LMNTD1: variants seen among roughly 807,000 people sequenced by gnomAD.
LMNTD1 encodes the protein lamin tail domain containing 1.
A neutral mutation model predicts 50.9 loss-of-function variants in LMNTD1; 35 were observed. That is an observed-to-expected ratio of 0.69 (90% confidence interval 0.53 to 0.91). The LOEUF (loss-of-function observed/expected upper bound fraction) is 0.91, where lower values mean the gene tolerates loss of function less well. Among genes scored for constraint, LMNTD1 ranks in the 40% least tolerant of loss-of-function variants. The pLI is 0.00. For synonymous variants in LMNTD1, 153 were observed against 161.9 expected (o/e 0.94, Z 0.42); for missense variants, 470 against 475.5 (o/e 0.99, Z 0.11).
At chr12:25,551,589 C>A (rs1013125582) in intron 2 of LMNTD1, among the ~76,000 whole-genome samples, 1 of 152,072 alleles carries the variant, frequency 6.6e-6, no homozygotes, top group Admixed American at 6.6e-5. Flanking sequence ...TGTGGTGTTG[C>A]TATGTTGCCC....
intron 1 of LMNTD1, among the ~76,000 whole-genome samples, chr12:25,571,756 G>A (rs1385342057): frequency 6.6e-6 from 1 of 152,118 alleles, no homozygotes; most frequent in African/African-American, 2.4e-5. Context: ...TGCAAGCTCT[G>A]CCTCCCGGGT....
At chr12:25,531,077 G>A (rs1000731413) in intron 4 of LMNTD1, among the ~76,000 whole-genome samples, 3 of 152,164 alleles carry the variant, frequency 2.0e-5, no homozygotes, top group Admixed American at 1.3e-4. Flanking sequence ...AAGGGTGACT[G>A]CATGCTGACA....
intron 1 of LMNTD1, among the ~76,000 whole-genome samples, chr12:25,589,172 C>G (rs1165755693): frequency 6.6e-6 from 1 of 152,058 alleles, no homozygotes; most frequent in Non-Finnish European, 1.5e-5. Context: ...CTGGAAACAA[C>G]CCAAATGTTC....
At position 25,549,416 on chromosome 12, in the gene LMNTD1, G is replaced by C; in HGVS notation, c.220C>G (p.Pro74Ala). 1 of 1,612,482 alleles carries C rather than the reference G, an allele frequency of 6.2e-7. No homozygotes were observed. Among genetic ancestry groups the C allele is most frequent in the Non-Finnish European group, 8.5e-7 (1 of 1,178,708 alleles). Residue 74 changes from proline (P) to alanine (A), a missense_variant, in exon 3 of 10, where the codon CCT (proline) becomes GCT (alanine). By Grantham distance (27) the Pro-to-Ala change is conservative (BLOSUM62 -1). Coordinates refer to ENST00000458174, the MANE Select transcript of LMNTD1 (RefSeq NM_001145728.2). ...GMPLGYYLSSPQISRVTISTT... is the reference protein window; with the variant it reads ...GMPLGYYLSSAQISRVTISTT... The stretch of plus-strand genomic sequence containing the variant: ...GATATAGTTACTCTACTAATCTGAG[G>C]ACTAGACAGATAGTAACCAAGAGGC...
At chr12:25,584,124 G>A (rs1945423606) in intron 1 of LMNTD1, among the ~76,000 whole-genome samples, 1 of 152,154 alleles carries the variant, frequency 6.6e-6, no homozygotes, top group Non-Finnish European at 1.5e-5. Context: ...AAGTGTAAGA[G>A]GAAAAGAGAA....
At chr12:25,631,938 G>C (rs1946727582) in intron 1 of LMNTD1, among the ~76,000 whole-genome samples, 1 of 152,130 alleles carries the variant, frequency 6.6e-6, no homozygotes, top group African/African-American at 2.4e-5. Context: ...CAAGGAAATA[G>C]AGAGCTTAAA....
At chr12:25,569,995 C>G (rs1322071235) in intron 1 of LMNTD1, among the ~76,000 whole-genome samples, 1 of 152,204 alleles carries the variant, frequency 6.6e-6, no homozygotes. Context: ...GCAATCGATG[C>G]CTTTAGCAGT....
In LMNTD1 at chr12:25,553,189, C is replaced by A; in HGVS notation, c.-151G>T. 1 of 1,588,850 alleles carries A rather than the reference C, an allele frequency of 6.3e-7. No homozygotes were observed. Among genetic ancestry groups the A allele is most frequent in the South Asian group, 1.2e-5 (1 of 85,352 alleles). On this transcript the variant is annotated 5_prime_UTR_variant, in exon 1 of 10. Coordinates refer to ENST00000458174, the MANE Select transcript of LMNTD1 (RefSeq NM_001145728.2). ...CCAACATAGCCAATCCTGATCTTGG[C>A]TAAGGATGTCGGACAAACCATGGTG... is the stretch of plus-strand genomic sequence containing the variant.
chr12:25,608,053 T>C (rs1946154604), intron 1 of LMNTD1, among the ~76,000 whole-genome samples: 1 of 152,188 alleles, frequency 6.6e-6, no homozygotes, highest in African/African-American at 2.4e-5. Flanking sequence ...GATAGTTAGC[T>C]CTTCTTGTTG....
intron 1 of LMNTD1, among the ~76,000 whole-genome samples, chr12:25,630,422 G>A (rs1390661120): frequency 6.6e-6 from 1 of 152,072 alleles, no homozygotes; most frequent in African/African-American, 2.4e-5. Flanking sequence ...CAGCAGTCCC[G>A]AGAAGACGCA....
rs1455660571 is a variant in LMNTD1, at chr12:25,527,669, TATATATATATATACACACAC to T, written c.492-734_492-715del. 9.0e-3 allele frequency among the ~76,000 whole-genome samples: 205 copies of T among 22,712 alleles called. 2 individuals are homozygous for T. Among genetic ancestry groups the T allele is most frequent in the African/African-American group, 0.014 (136 of 9,926 alleles). The allele number at this position is 22,712 out of a possible 152,430, so 14.9% of individuals were successfully genotyped here. On this transcript the variant is annotated intron_variant, in intron 4 of 9. Coordinates refer to ENST00000458174, the MANE Select transcript of LMNTD1 (RefSeq NM_001145728.2). Reference sequence around the variant, plus strand: ...ATATATATATATATATATATATATATATATATATATATACACACACACACACACACACACACACACACACA... The same window carrying T: ...ATATATATATATATATATATATATATACACACACACACACACACACACACA...
At position 25,546,415 on chromosome 12, in the gene LMNTD1, G is replaced by C; in HGVS notation, c.450C>G (p.Tyr150Ter). Reference protein sequence around the residue: ...HSNYTQKTLKYFSMILEEVGQ... With the variant: ...HSNYTQKTLK ...CAACTTCTTCAAGAATCATAGAAAA[G>C]TATTTTAAAGTTTTCTGAGTGTAGT... is the stretch of plus-strand genomic sequence containing the variant. Residue 150 changes from tyrosine to a stop codon, truncating the protein, a stop_gained, in exon 4 of 10, where the codon TAC becomes TAG. Coordinates refer to ENST00000458174, the MANE Select transcript of LMNTD1 (RefSeq NM_001145728.2). LOFTEE classifies it high-confidence loss of function. The C allele has an allele frequency of 6.3e-7, 1 of 1,591,578 alleles. No homozygotes were observed. The highest frequency in any genetic ancestry group is 8.6e-7 in the Non-Finnish European group (1 of 1,168,806).
chr12:25,623,004 A>G (rs1432516309), intron 1 of LMNTD1, among the ~76,000 whole-genome samples: 1 of 151,998 alleles, frequency 6.6e-6, no homozygotes, highest in African/African-American at 2.4e-5. Context: ...GAAAAGCTCT[A>G]ATAGAGATGG....
chr12:25,576,112 CCAA>C (rs1357865857), intron 1 of LMNTD1, among the ~76,000 whole-genome samples: 2 of 152,214 alleles, frequency 1.3e-5, no homozygotes, highest in Non-Finnish European at 2.9e-5. Context: ...TGGGTTGGTT[CCAA>C]GTCTTTGCTA....
intron 1 of LMNTD1, among the ~76,000 whole-genome samples, chr12:25,603,948 G>GC (rs953117312): frequency 2.0e-5 from 3 of 149,010 alleles, no homozygotes; most frequent in Admixed American, 2.0e-4. Flanking sequence ...ACGAATATTG[G>GC]GGGGGAAGGC....
chr12:25,522,910 T>A (rs1021966432), intron 6 of LMNTD1, among the ~76,000 whole-genome samples: 3 of 152,228 alleles, frequency 2.0e-5, no homozygotes, highest in Admixed American at 1.3e-4. Context: ...GCCACTTTTA[T>A]ATTAAGCCAT....
intron 1 of LMNTD1, among the ~76,000 whole-genome samples, chr12:25,585,393 C>T (rs1316340170): frequency 1.3e-5 from 2 of 152,152 alleles, no homozygotes; most frequent in African/African-American, 2.4e-5. Context: ...CATGCTGCTG[C>T]GATTACCTTA....
intron 9 of LMNTD1, among the ~76,000 whole-genome samples, chr12:25,485,081 C>G (rs1377916441): frequency 6.7e-6 from 1 of 149,880 alleles, no homozygotes; most frequent in Non-Finnish European, 1.5e-5. Context: ...AATCGCCATA[C>G]TGACTTCCAC....
upstream of LMNTD1, among the ~76,000 whole-genome samples, chr12:25,557,912 G>T (rs1167732588): frequency 6.6e-6 from 1 of 152,162 alleles, no homozygotes; most frequent in African/African-American, 2.4e-5. Context: ...CACATTATTG[G>T]AGAACAATTT....
Sources: gnomAD v4.1 joint callset for allele counts (sites outside exome capture counted in the v4.1 genomes callset) on GRCh38, gnomAD v4.1.1 for gene constraint, MANE v1.5 for transcripts, NCBI Gene and HGNC (gene_info 2026-07-23, HGNC 2026-07-21) for gene names.